CILK1: variants seen among roughly 807,000 people sequenced by gnomAD.
CILK1 encodes ciliogenesis associated kinase 1.
Under a neutral mutation model 79.2 loss-of-function variants are expected in CILK1, and 47 were observed. That is an observed-to-expected ratio of 0.59 (90% confidence interval 0.47 to 0.76). The LOEUF (loss-of-function observed/expected upper bound fraction) is 0.76. Ranked by LOEUF, CILK1 falls within the 30% of genes least tolerant of loss-of-function variation. The probability of loss-of-function intolerance (pLI) is 0.00; values close to 1 mark genes in which losing one functional copy is unlikely to be tolerated. For synonymous variants in CILK1, 266 were observed against 275.9 expected (o/e 0.96, Z 0.36); for missense variants, 660 against 769.5 (o/e 0.86, Z 1.68).
At position 53,004,520 on chromosome 6, in the gene CILK1, G is replaced by A. The variant is rs919167644; in HGVS notation, c.*629C>T. ...GAGTTCTTTCATCTGGGGAACAAAAGTAAAACAAAGTGAATTATATAATAT... is the reference window on the plus strand; with the variant it reads ...GAGTTCTTTCATCTGGGGAACAAAAATAAAACAAAGTGAATTATATAATAT... On this transcript the variant is annotated 3_prime_UTR_variant, in exon 14 of 14. Coordinates refer to ENST00000676107, the MANE Select transcript of CILK1 (RefSeq NM_014920.5). 2.0e-5 allele frequency: 3 copies of A among 152,344 alleles called. No homozygotes were observed. Among genetic ancestry groups the A allele is most frequent in the Non-Finnish European group, 2.9e-5 (2 of 68,020 alleles). The allele number at this position is 152,344 out of a possible 1,614,324, so 9.4% of individuals were successfully genotyped here.
At chr6:53,053,858 G>A (rs755800428) in intron 1 of CILK1, among the ~76,000 whole-genome samples, 1 of 152,208 alleles carries the variant, frequency 6.6e-6, no homozygotes, top group African/African-American at 2.4e-5. Flanking sequence ...CTGATCTGCT[G>A]TGCCTCGGGG....
chr6:53,055,877 TA>T (rs1189919820), intron 1 of CILK1, among the ~76,000 whole-genome samples: 1 of 151,842 alleles, frequency 6.6e-6, no homozygotes. Context: ...AAATAAAAAA[TA>T]AAAAAACAGC....
chr6:53,008,390 A>C (rs2127402449), intron 12 of CILK1, among the ~76,000 whole-genome samples: 1 of 151,922 alleles, frequency 6.6e-6, no homozygotes, highest in South Asian at 2.1e-4. Flanking sequence ...CGGGAAAGGC[A>C]CAGACACTGG....
chr6:53,034,405 T>C (rs1766173472), intron 3 of CILK1, among the ~76,000 whole-genome samples: 1 of 152,198 alleles, frequency 6.6e-6, no homozygotes, highest in South Asian at 2.1e-4. Context: ...TGACTGGCTT[T>C]ATGAAGATGT....
intron 1 of CILK1, among the ~76,000 whole-genome samples, chr6:53,059,408 C>T (rs6934098): frequency 0.07 from 10,715 of 152,150 alleles, 962 homozygotes; most frequent in African/African-American, 0.2. Flanking sequence ...CTAACCTAAA[C>T]CAATTGGAGA....
Position 53,004,816 on chromosome 6 carries a change from G to A in CILK1, c.*333C>T. ...GAAAATATTATCTGGAACCCCAAAG[G>A]AAAATCAATTAATTTTTAAAAAGTT... On this transcript the variant is annotated 3_prime_UTR_variant, in exon 14 of 14. Coordinates refer to ENST00000676107, the MANE Select transcript of CILK1 (RefSeq NM_014920.5). 1 of 222,958 alleles carries A rather than the reference G, an allele frequency of 4.5e-6. No homozygotes were observed. Among genetic ancestry groups the A allele is most frequent in the East Asian group, 1.1e-4 (1 of 8,844 alleles). The allele number at this position is 222,958 out of a possible 1,614,324, so 13.8% of individuals were successfully genotyped here.
At position 53,057,166 on chromosome 6, in the gene CILK1, A is replaced by G. The variant is rs1767953261; in HGVS notation, c.-173+4430T>C. Among the ~76,000 whole-genome samples, 3 of 152,246 alleles carry G rather than the reference A, an allele frequency of 2.0e-5. No homozygotes were observed. In the South Asian group the frequency reaches 6.2e-4, roughly 31 times the overall value. On this transcript the variant is annotated intron_variant, in intron 1 of 13. Coordinates refer to ENST00000676107, the MANE Select transcript of CILK1 (RefSeq NM_014920.5). ...GATATTGCCAAATACGTATTTGGGC[A>G]TTATACAATAGTACTTTCCTTTCCG... is the stretch of plus-strand genomic sequence containing the variant.
At chr6:53,036,319 A>T (rs1447553187) in intron 3 of CILK1, among the ~76,000 whole-genome samples, 1 of 152,072 alleles carries the variant, frequency 6.6e-6, no homozygotes, top group East Asian at 1.9e-4. Context: ...GGATCATCTC[A>T]AACTTTTATT....
At chr6:53,043,673 T>C (rs896758452) in intron 1 of CILK1, among the ~76,000 whole-genome samples, 20 of 152,254 alleles carry the variant, frequency 1.3e-4, no homozygotes, top group South Asian at 1.0e-3. Context: ...ACAGATCCTA[T>C]CTTTAAGCTC....
At chr6:53,049,780 G>A (rs1283409339) in intron 1 of CILK1, among the ~76,000 whole-genome samples, 1 of 152,182 alleles carries the variant, frequency 6.6e-6, no homozygotes. Flanking sequence ...CAGCTGGAGT[G>A]CAGCTGTGTG....
At chr6:53,032,735 T>C (rs1766052801) in intron 3 of CILK1, 81 bp from the exon 4 acceptor site, 1 of 1,189,320 alleles carries the variant, frequency 8.4e-7, no homozygotes. Context: ...ATCCTATGTA[T>C]ACTTGGAAAG....
chr6:53,022,095 T>C (rs1035278208), intron 5 of CILK1, among the ~76,000 whole-genome samples: 4 of 152,168 alleles, frequency 2.6e-5, no homozygotes, highest in Admixed American at 2.0e-4. Context: ...AATATTTTTG[T>C]ATAGCCATAT....
chr6:53,021,905 C>T (rs13195182), intron 5 of CILK1, among the ~76,000 whole-genome samples: 10,741 of 152,030 alleles, frequency 0.071, 468 homozygotes, highest in Non-Finnish European at 0.093. Flanking sequence ...TATTATTGCA[C>T]CTCAAAACCT....
At chr6:53,006,077 C>A (rs1339055721) in intron 13 of CILK1, among the ~76,000 whole-genome samples, 1 of 152,158 alleles carries the variant, frequency 6.6e-6, no homozygotes, top group East Asian at 1.9e-4. Flanking sequence ...AACCTGTACC[C>A]CACACTCCAA....
At chr6:53,040,860 G>T (rs995636307) in intron 2 of CILK1, among the ~76,000 whole-genome samples, 2 of 152,136 alleles carry the variant, frequency 1.3e-5, no homozygotes, top group African/African-American at 4.8e-5. Flanking sequence ...CATGTAAAAT[G>T]ATGTTTATTA....
intron 11 of CILK1, among the ~76,000 whole-genome samples, chr6:53,011,278 T>C (rs1314722934): frequency 6.6e-6 from 1 of 152,062 alleles, no homozygotes; most frequent in Non-Finnish European, 1.5e-5. Flanking sequence ...ATATTTCTTA[T>C]CTTGGGTGAC....
At chr6:53,057,566 A>G (rs913218809) in intron 1 of CILK1, among the ~76,000 whole-genome samples, 1 of 149,136 alleles carries the variant, frequency 6.7e-6, no homozygotes, top group Non-Finnish European at 1.5e-5. Context: ...GTTCAGAGGC[A>G]TTATCTTTTA....
intron 5 of CILK1, among the ~76,000 whole-genome samples, chr6:53,028,576 T>A (rs1765728160): frequency 6.6e-6 from 1 of 152,204 alleles, no homozygotes; most frequent in African/African-American, 2.4e-5. Context: ...AGGTAACAGA[T>A]AAAATGTTAA....
intron 1 of CILK1, among the ~76,000 whole-genome samples, chr6:53,054,375 C>A (rs1767700674): frequency 6.6e-6 from 1 of 152,242 alleles, no homozygotes. Flanking sequence ...ACTCCACTTG[C>A]AGTAGCAAGT....
Sources: allele counts gnomAD v4.1 joint callset (sites outside exome capture counted in the v4.1 genomes callset), GRCh38; gene constraint gnomAD v4.1.1; transcripts MANE v1.5; gene names NCBI Gene and HGNC (gene_info 2026-07-23, HGNC 2026-07-21).